ATR: variants seen among roughly 807,000 people sequenced by gnomAD.
ATR encodes the protein serine/threonine-protein kinase ATR.
In ATR, 142 loss-of-function variants were observed where a neutral mutation model predicts 305.3. The observed-to-expected ratio is 0.47, with a 90% CI of 0.41 to 0.53. ATR has a LOEUF of 0.53. Among genes scored for constraint, ATR ranks in the 20% least tolerant of loss-of-function variants. ATR has a pLI of 0.00. For synonymous variants in ATR, 1,050 were observed against 1,068.1 expected (o/e 0.98, Z 0.33); for missense variants, 2,135 against 3,133.1 (o/e 0.68, Z 7.60).
chr3:142,555,072 C>G (rs1477929701), intron 10 of ATR, among the ~76,000 whole-genome samples: 2 of 148,422 alleles, frequency 1.3e-5, no homozygotes, highest in African/African-American at 2.5e-5. Context: ...CCTGTCTCTA[C>G]TAAAAATGCA....
In ATR at chr3:142,505,312, A is replaced by G; in HGVS notation, c.5032-9T>C. 1 of 1,613,160 alleles carries G rather than the reference A, an allele frequency of 6.2e-7. No homozygotes were observed. The highest frequency in any genetic ancestry group is 8.5e-7 in the Non-Finnish European group (1 of 1,179,704). On this transcript the variant is annotated splice_polypyrimidine_tract_variant and intron_variant, in intron 28 of 46. Transcript: ENST00000350721. Reference sequence around the variant, plus strand: ...ATAGCAGCATACAATTTCTTTGTTCAATGATTAAAAAACAATCAAAAACAA... The same window carrying G: ...ATAGCAGCATACAATTTCTTTGTTCGATGATTAAAAAACAATCAAAAACAA...
At chr3:142,568,491 C>T (rs1056812766) in intron 1 of ATR, among the ~76,000 whole-genome samples, 37 of 152,186 alleles carry the variant, frequency 2.4e-4, no homozygotes, top group Non-Finnish European at 4.9e-4. Context: ...CCAGTTGGAG[C>T]GGTGAGGAAG....
chr3:142,451,220 C>A (rs1371454093), intron 46 of ATR: 2 of 1,188,872 alleles, frequency 1.7e-6, no homozygotes, highest in East Asian at 5.8e-5. Context: ...CCTGATGCTG[C>A]ACATCCAGAT....
At chr3:142,513,159 T>A (rs1396143507) in intron 26 of ATR, among the ~76,000 whole-genome samples, 1 of 152,146 alleles carries the variant, frequency 6.6e-6, no homozygotes, top group African/African-American at 2.4e-5. Context: ...AGATGAGGCA[T>A]CACATAAAAG....
At chr3:142,458,599 A>G (rs933365294) in intron 44 of ATR, among the ~76,000 whole-genome samples, 1 of 152,038 alleles carries the variant, frequency 6.6e-6, no homozygotes, top group Non-Finnish European at 1.5e-5. Context: ...GATAATTCTG[A>G]TATGTTGCTA....
rs1577647909 is a variant in ATR, at chr3:142,532,608, T to C, written c.3945+2472A>G. On this transcript the variant is annotated intron_variant, in intron 21 of 46. Coordinates refer to ENST00000350721, the MANE Select transcript of ATR (RefSeq NM_001184.4). ...CAGTACAGGGCTTTTGCAGGGTCAT[T>C]CCATAAAAAATAGTTAAGTATCTAA... Among the ~76,000 whole-genome samples the C allele has an allele frequency of 2.0e-5, 3 of 149,730 alleles. No homozygotes were observed. In the South Asian group the frequency reaches 6.2e-4, roughly 31 times the overall value.
intron 21 of ATR, among the ~76,000 whole-genome samples, chr3:142,533,869 A>C (rs999674772): frequency 2.0e-5 from 3 of 152,170 alleles, no homozygotes; most frequent in Non-Finnish European, 4.4e-5. Context: ...CCTGTAAGGA[A>C]GTTGCCACAT....
chr3:142,450,292 G>T, intron 46 of ATR: 2 of 867,284 alleles, frequency 2.3e-6, no homozygotes, highest in Non-Finnish European at 3.8e-6. Flanking sequence ...CAAACCAGCT[G>T]CCGCTTATTT....
intron 41 of ATR, among the ~76,000 whole-genome samples, chr3:142,464,578 A>G (rs1439126250): frequency 6.6e-6 from 1 of 152,268 alleles, no homozygotes; most frequent in African/African-American, 2.4e-5. Flanking sequence ...CACATGCTGT[A>G]AAATGAATGA....
chr3:142,551,896 AG>A (rs1474735689), intron 13 of ATR, among the ~76,000 whole-genome samples: 1 of 152,200 alleles, frequency 6.6e-6, no homozygotes, highest in Non-Finnish European at 1.5e-5. Context: ...CCTACAGAAT[AG>A]GAGAAAATGT....
At position 142,525,087 on chromosome 3, in the gene ATR, T is replaced by C. The variant is rs114376877; in HGVS notation, c.3946-888A>G. ...CAATAGCTGATTTCTTAAATAACAT[T>C]ACAGGTTAATTCAGCTGTAAAGACC... On this transcript the variant is annotated intron_variant, in intron 21 of 46. Coordinates refer to ENST00000350721, the MANE Select transcript of ATR (RefSeq NM_001184.4). Among the ~76,000 whole-genome samples the C allele has an allele frequency of 8.1e-4, 123 of 152,278 alleles. 2 individuals are homozygous for C. Among genetic ancestry groups the C allele is most frequent in the African/African-American group, 2.9e-3 (119 of 41,558 alleles).
rs368592452 is a variant in ATR at position 142,562,965 on chromosome 3, G to T, written c.437C>A (p.Thr146Lys). ...TTCAAAAAGTTGTAATAATTCTTTT[G>T]TGAGTACCCCAAAAATAGCAGGACT... Reference protein sequence around the residue: ...SKSPAIFGVLTKELLQLFEDL... With the variant: ...SKSPAIFGVLKKELLQLFEDL... The change falls in exon 4 of 47, where the codon ACA (threonine) becomes AAA (lysine). Residue 146 changes from threonine (T) to lysine (K), a missense_variant. Physicochemically the swap from Thr to Lys is moderately conservative, Grantham distance 78. Transcript: ENST00000350721. The T allele has an allele frequency of 2.2e-5, 36 of 1,610,332 alleles. No individual in the cohort carries two copies. In the African/African-American group the frequency reaches 3.3e-4, roughly 15 times the overall value.
Position 142,499,549 on chromosome 3 carries a change from C to T in ATR, c.5380+78G>A, listed in dbSNP as rs532655025. The T allele has an allele frequency of 4.1e-4, 553 of 1,352,042 alleles. 1 individual carries two copies. In the African/African-American group the frequency reaches 6.1e-3, roughly 15 times the overall value. The allele number at this position is 1,352,042 out of a possible 1,614,324, so 83.8% of individuals were successfully genotyped here. A position where few individuals can be genotyped will look rare whatever the true frequency, so the allele number is the denominator to read the frequency against. On this transcript the variant is annotated intron_variant, in intron 31 of 46. Transcript: ENST00000350721. The stretch of plus-strand genomic sequence containing the variant: ...GACCTCATGATCCGCCCGCCTCAGC[C>T]GCCCAAAGTGCTGGGATTACAGGCG...
chr3:142,551,038 T>C (rs928028220), intron 13 of ATR, among the ~76,000 whole-genome samples: 2 of 152,154 alleles, frequency 1.3e-5, no homozygotes, highest in Non-Finnish European at 2.9e-5. Context: ...GCGCCCACCT[T>C]GGCCTCCCAA....
intron 34 of ATR, 56 bp downstream of exon 34, chr3:142,496,305 T>TATATATAC (rs1559937561): frequency 8.1e-6 from 1 of 122,964 alleles, no homozygotes; most frequent in African/African-American, 5.4e-5. Flanking sequence ...TATATATATA[T>TATATATAC]ATATATATAT....
At chr3:142,535,304 C>G (rs888112122) in intron 20 of ATR, 99 bp from the exon 21 acceptor site, 1 of 1,373,428 alleles carries the variant, frequency 7.3e-7, no homozygotes. Flanking sequence ...TTAAACTATA[C>G]CAAACCAATT....
At chr3:142,578,433 G>A (rs1231135570) in intron 1 of ATR, among the ~76,000 whole-genome samples, 1 of 152,216 alleles carries the variant, frequency 6.6e-6, no homozygotes, top group East Asian at 1.9e-4. Flanking sequence ...CCCACGGACC[G>A]GCTTCCCGCA....
chr3:142,496,148 A>G (rs1453412401), intron 34 of ATR, among the ~76,000 whole-genome samples: 1 of 151,478 alleles, frequency 6.6e-6, no homozygotes, highest in Admixed American at 6.6e-5. Context: ...GGGACTGTAG[A>G]GTAAAAAGAA....
chr3:142,496,991 TA>T, intron 33 of ATR, 21 bp downstream of exon 33: 1 of 1,605,542 alleles, frequency 6.2e-7, no homozygotes, highest in South Asian at 1.1e-5. Context: ...GTGACATTTT[TA>T]AAAAAAGTAG....
Sources: gnomAD v4.1 joint callset for allele counts (sites outside exome capture counted in the v4.1 genomes callset) on GRCh38, gnomAD v4.1.1 for gene constraint, MANE v1.5 for transcripts, NCBI Gene and HGNC (gene_info 2026-07-23, HGNC 2026-07-21) for gene names.